SLAIN1: variants seen among roughly 807,000 people sequenced by gnomAD.
SLAIN1 encodes the protein SLAIN family member 1, also known as SLAIN motif-containing protein 1.
SLAIN1 carries 17 observed loss-of-function variants against 55.4 expected under a neutral mutation model. The ratio of observed to expected loss-of-function variants is 0.31; its 90% CI spans 0.21 to 0.46. The LOEUF (loss-of-function observed/expected upper bound fraction) is 0.46, where lower values mean the gene tolerates loss of function less well. SLAIN1 is among the 20% of genes least tolerant of loss of function. The pLI, the probability that SLAIN1 is intolerant of heterozygous loss-of-function variation, is 1.00. For missense variants in SLAIN1, 682 were observed against 785.1 expected (o/e 0.87, Z 1.57); for synonymous variants, 348 against 337.4 (o/e 1.03, Z -0.35).
chr13:77,713,926 A>C (rs1046053527), intron 1 of SLAIN1, among the ~76,000 whole-genome samples: 1 of 152,126 alleles, frequency 6.6e-6, no homozygotes, highest in African/African-American at 2.4e-5. Context: ...ACAGGAACAG[A>C]AAACCAAACA....
chr13:77,731,271 C>A (rs560833110), intron 2 of SLAIN1, among the ~76,000 whole-genome samples: 2 of 152,148 alleles, frequency 1.3e-5, no homozygotes, highest in South Asian at 4.2e-4. Context: ...TATAGTATAA[C>A]AAATTTCAGA....
chr13:77,744,611 A>G, intron 3 of SLAIN1, 179 bp downstream of exon 3: 1 of 880,672 alleles, frequency 1.1e-6, no homozygotes, highest in South Asian at 1.7e-5. Context: ...AGGTGGTAGG[A>G]CTTAGTCTGA....
At chr13:77,715,604 G>A (rs1216463576) in intron 1 of SLAIN1, among the ~76,000 whole-genome samples, 14 of 152,088 alleles carry the variant, frequency 9.2e-5, no homozygotes. Flanking sequence ...CACTTGCTAT[G>A]GGTAGTATTT....
Position 77,763,213 on chromosome 13 carries a change from G to T in SLAIN1, c.1766G>T (p.Cys589Phe), listed in dbSNP as rs775212882. The change falls in exon 7 of 7, where the codon TGC becomes TTC. Residue 589 changes from cysteine to phenylalanine, a missense_variant. By Grantham distance (205) the Cys-to-Phe change is radical (BLOSUM62 -2). This residue lies in a region of SLAIN1 where 244 missense variants were observed against 295.2 expected (regional missense o/e 0.83). Coordinates refer to ENST00000418532, the MANE Select transcript of SLAIN1 (RefSeq NM_001242868.2). ...AGGGATGGAAATTGGAGAGATGGTT[G>T]CTACTAATGCAGTTTTATGTACCCT... is the stretch of plus-strand genomic sequence containing the variant. ...TLRDGNWRDG[C>F]Y The T allele has an allele frequency of 6.2e-7, 1 of 1,613,436 alleles. No homozygotes were observed. Among genetic ancestry groups the T allele is most frequent in the Admixed American group, 1.7e-5 (1 of 59,992 alleles).
chr13:77,711,267 A>G (rs1284657045), intron 1 of SLAIN1, among the ~76,000 whole-genome samples: 2 of 152,190 alleles, frequency 1.3e-5, no homozygotes, highest in African/African-American at 4.8e-5. Context: ...ACCCTTTTAA[A>G]AAGTTAATGA....
At position 77,698,836 on chromosome 13, in the gene SLAIN1, C is replaced by T; in HGVS notation, c.626+297C>T. The T allele has an allele frequency of 1.4e-6, 2 of 1,478,820 alleles. No individual in the cohort carries two copies. Among genetic ancestry groups the T allele is most frequent in the Middle Eastern group, 2.4e-4 (1 of 4,098 alleles). 91.6% of individuals were successfully genotyped at this position (1,478,820 alleles called of 1,614,324 possible). Reference sequence around the variant, plus strand: ...GCTGATTGTTGGGTCCCAAGCTCCTCGTTAGCATTAAGTGCAAAATCCATG... The same window carrying T: ...GCTGATTGTTGGGTCCCAAGCTCCTTGTTAGCATTAAGTGCAAAATCCATG... On this transcript the variant is annotated intron_variant, in intron 1 of 6. Transcript: ENST00000418532. The surrounding 1 kb of genome is among the most constrained non-coding windows in gnomAD (Gnocchi z 4.1).
chr13:77,752,183 G>A (rs1012747581), intron 4 of SLAIN1, among the ~76,000 whole-genome samples: 4 of 151,910 alleles, frequency 2.6e-5, no homozygotes, highest in African/African-American at 9.7e-5. Context: ...TTAATGTGAT[G>A]AGTGGATATT....
At position 77,746,553 on chromosome 13, in the gene SLAIN1, C is replaced by G; in HGVS notation, c.956C>G (p.Ser319Ter). The change falls in exon 4 of 7, where the codon TCA (serine) becomes TGA (stop). Residue 319 changes from serine to a stop codon, truncating the protein, a stop_gained. Transcript: ENST00000418532. LOFTEE classifies it high-confidence loss of function. Reference sequence around the variant, plus strand: ...TATGCTTCTACTTCAGCATCTGTATCAAGACATAGTTCCAGTGTGTCATTG... The same window carrying G: ...TATGCTTCTACTTCAGCATCTGTATGAAGACATAGTTCCAGTGTGTCATTG... ...QDYASTSASV[S>*]RHSSSVSLSS... The G allele has an allele frequency of 1.2e-6, 2 of 1,612,346 alleles. No individual in the cohort carries two copies. The highest frequency in any genetic ancestry group is 1.7e-6 in the Non-Finnish European group (2 of 1,178,760).
chr13:77,747,737 A>G (rs1344999213), intron 4 of SLAIN1, among the ~76,000 whole-genome samples: 1 of 152,164 alleles, frequency 6.6e-6, no homozygotes, highest in Admixed American at 6.5e-5. Context: ...GTTGCTTTCC[A>G]TTAGCATTTG....
intron 1 of SLAIN1, among the ~76,000 whole-genome samples, chr13:77,701,692 T>C (rs1180677575): frequency 6.6e-6 from 1 of 152,160 alleles, no homozygotes; most frequent in East Asian, 1.9e-4. Flanking sequence ...GAATTAAGTG[T>C]CTCAGAAAGT....
chr13:77,708,073 C>G (rs990082286), intron 1 of SLAIN1, among the ~76,000 whole-genome samples: 3 of 152,286 alleles, frequency 2.0e-5, no homozygotes, highest in East Asian at 3.9e-4. Flanking sequence ...AGGAATTGGA[C>G]TATGGAGTAT....
rs1246117225 is a variant in SLAIN1 at position 77,763,158 on chromosome 13, C to T, written c.1711C>T (p.Pro571Ser). ...GTCTCTTTTTAGTTTTCTTCAGCCT[C>T]CAAAGCCTCTGTCTTCACTCAGCAC... ...AQPVRSFLQP[P>S]KPLSSLSTLR... The change falls in exon 7 of 7, where the codon CCA (proline) becomes TCA (serine). Residue 571 changes from proline (P) to serine (S), a missense_variant. Physicochemically the swap from Pro to Ser is moderately conservative, Grantham distance 74. This residue lies in a region of SLAIN1 where 244 missense variants were observed against 295.2 expected (regional missense o/e 0.83). Coordinates refer to ENST00000418532, the MANE Select transcript of SLAIN1 (RefSeq NM_001242868.2). The T allele has an allele frequency of 1.2e-6, 2 of 1,613,972 alleles. No homozygotes were observed. The highest frequency in any genetic ancestry group is 1.7e-6 in the Non-Finnish European group (2 of 1,179,902).
At chr13:77,709,823 T>C (rs1336154460) in intron 1 of SLAIN1, among the ~76,000 whole-genome samples, 6 of 152,172 alleles carry the variant, frequency 3.9e-5, no homozygotes, top group Non-Finnish European at 7.4e-5. Flanking sequence ...CAGGCCGGAG[T>C]GCAATGGCGC....
intron 2 of SLAIN1, among the ~76,000 whole-genome samples, chr13:77,728,285 C>T (rs370179949): frequency 3.3e-5 from 5 of 152,216 alleles, no homozygotes; most frequent in African/African-American, 1.2e-4. Context: ...GGTAAATTCA[C>T]GCATGAGGCT....
chr13:77,752,350 A>C (rs1874287402), intron 4 of SLAIN1, among the ~76,000 whole-genome samples: 1 of 146,774 alleles, frequency 6.8e-6, no homozygotes, highest in Non-Finnish European at 1.5e-5. Flanking sequence ...TGGTAAATTT[A>C]ATGGCTATAA....
intron 1 of SLAIN1, among the ~76,000 whole-genome samples, chr13:77,700,359 A>G (rs987146665): frequency 6.6e-6 from 1 of 152,204 alleles, no homozygotes; most frequent in Non-Finnish European, 1.5e-5. Context: ...TTCAACAAGT[A>G]CACAGGTGAA....
chr13:77,746,096 G>A (rs1483818310), intron 3 of SLAIN1, among the ~76,000 whole-genome samples: 12 of 152,052 alleles, frequency 7.9e-5, no homozygotes, highest in Admixed American at 7.2e-4. Flanking sequence ...GTTGGGGGTG[G>A]GGAGCAGAAT....
intron 1 of SLAIN1, among the ~76,000 whole-genome samples, chr13:77,709,957 A>G (rs2091130549): frequency 6.6e-6 from 1 of 152,054 alleles, no homozygotes; most frequent in Admixed American, 6.5e-5. Flanking sequence ...TTTTTAGTAG[A>G]GGCGGGGTTT....
chr13:77,715,002 GGATTACAGGTGCAT>G (rs2091192535), intron 1 of SLAIN1, among the ~76,000 whole-genome samples: 1 of 152,020 alleles, frequency 6.6e-6, no homozygotes, highest in East Asian at 1.9e-4. Context: ...TGAGTAGCTG[GGATTACAGGTGCAT>G]GCCACCACAT....
Sources: gnomAD v4.1 joint callset for allele counts (sites outside exome capture counted in the v4.1 genomes callset) on GRCh38, gnomAD v4.1.1 for gene constraint, gnomAD v4.1.1 regional missense constraint, Gnocchi (gnomAD v3.1) non-coding constraint, MANE v1.5 for transcripts, NCBI Gene and HGNC (gene_info 2026-07-23, HGNC 2026-07-21) for gene names.